Variants in TCF12 observed in about 807,000 individuals in gnomAD.
The protein encoded by TCF12 is transcription factor 12, also known as DNA-binding protein HTF4.
In TCF12, 45 loss-of-function variants were observed where a neutral mutation model predicts 86.0. The ratio of observed to expected loss-of-function variants is 0.52; its 90% CI spans 0.41 to 0.67. The LOEUF is 0.67. Among genes scored for constraint, TCF12 ranks in the 30% least tolerant of loss-of-function variants. The pLI is 0.00. For missense variants in TCF12, 881 were observed against 859.9 expected (o/e 1.02, Z -0.31); for synonymous variants, 330 against 299.6 (o/e 1.10, Z -1.05).
intron 3 of TCF12, among the ~76,000 whole-genome samples, chr15:56,945,863 A>G (rs1475419037): frequency 6.6e-6 from 1 of 152,210 alleles, no homozygotes; most frequent in Non-Finnish European, 1.5e-5. Context: ...TTGTTACCTC[A>G]AGAATGAGTT....
chr15:57,070,023 C>CT (rs2150993079), intron 4 of TCF12, among the ~76,000 whole-genome samples: 1 of 152,038 alleles, frequency 6.6e-6, no homozygotes, highest in South Asian at 2.1e-4. Context: ...ATCTTTTTTT[C>CT]TTTTTTCATT....
At chr15:57,044,006 AG>A (rs1458630399) in intron 3 of TCF12, among the ~76,000 whole-genome samples, 1 of 152,182 alleles carries the variant, frequency 6.6e-6, no homozygotes, top group Non-Finnish European at 1.5e-5. Flanking sequence ...AATTAAAAAA[AG>A]CTTAACAGAT....
At chr15:57,220,383 G>A (rs207475522) in intron 8 of TCF12, among the ~76,000 whole-genome samples, 24 of 152,254 alleles carry the variant, frequency 1.6e-4, no homozygotes, top group African/African-American at 4.6e-4. Context: ...AGTAAGGGCC[G>A]TATTTCCTGT....
At chr15:57,206,961 T>C (rs1019209256) in intron 8 of TCF12, among the ~76,000 whole-genome samples, 6 of 146,050 alleles carry the variant, frequency 4.1e-5, no homozygotes, top group African/African-American at 2.5e-5. Context: ...AAAAAAAAAA[T>C]TGGTCGTGGT....
chr15:57,206,268 C>A (rs1267701866), intron 8 of TCF12, among the ~76,000 whole-genome samples: 1 of 152,024 alleles, frequency 6.6e-6, no homozygotes, highest in South Asian at 2.1e-4. Context: ...TTTGGGAGGC[C>A]GAGGCAGGCA....
intron 3 of TCF12, among the ~76,000 whole-genome samples, chr15:56,976,204 T>C (rs938220223): frequency 6.7e-6 from 1 of 148,546 alleles, no homozygotes; most frequent in Non-Finnish European, 1.5e-5. Context: ...GACAACTAAA[T>C]AGTAGATAAA....
At chr15:56,921,187 T>C (rs2140170647) in intron 3 of TCF12, 89 bp downstream of exon 3, 3 of 915,092 alleles carry the variant, frequency 3.3e-6, no homozygotes, top group East Asian at 3.1e-5. Flanking sequence ...TTAAATATTA[T>C]TGAATATATG....
At chr15:57,101,261 A>T (rs1216518289) in intron 5 of TCF12, among the ~76,000 whole-genome samples, 1 of 152,064 alleles carries the variant, frequency 6.6e-6, no homozygotes, top group South Asian at 2.1e-4. Flanking sequence ...ACTGGAGTGC[A>T]GTAACACATC....
intron 13 of TCF12, among the ~76,000 whole-genome samples, chr15:57,250,352 G>C (rs866057019): frequency 6.6e-6 from 1 of 152,172 alleles, no homozygotes; most frequent in Non-Finnish European, 1.5e-5. Flanking sequence ...AAACTCAAGA[G>C]TAATGTTTAC....
At chr15:57,162,150 A>G (rs1282129278) in intron 5 of TCF12, among the ~76,000 whole-genome samples, 12 of 152,198 alleles carry the variant, frequency 7.9e-5, no homozygotes, top group African/African-American at 2.2e-4. Flanking sequence ...AATTAGATAT[A>G]TGTTACATTA....
upstream of TCF12, chr15:56,918,321 C>T: frequency 2.2e-6 from 1 of 452,484 alleles, no homozygotes; most frequent in Non-Finnish European, 4.4e-6. Flanking sequence ...CTTCGGGGGC[C>T]GAGAACCAGC....
intron 4 of TCF12, among the ~76,000 whole-genome samples, chr15:57,086,205 T>A (rs1184881494): frequency 1.7e-5 from 2 of 119,094 alleles, no homozygotes; most frequent in Non-Finnish European, 3.2e-5. Flanking sequence ...CTAACTTGGA[T>A]GATGATGATA....
At chr15:57,141,949 A>C (rs1200598775) in intron 5 of TCF12, among the ~76,000 whole-genome samples, 1 of 152,328 alleles carries the variant, frequency 6.6e-6, no homozygotes, top group East Asian at 1.9e-4. Flanking sequence ...AAAGGGAAGA[A>C]GCACAAACGG....
At chr15:57,015,125 C>CA (rs1374040321) in intron 3 of TCF12, among the ~76,000 whole-genome samples, 1 of 151,678 alleles carries the variant, frequency 6.6e-6, no homozygotes, top group Non-Finnish European at 1.5e-5. Flanking sequence ...CCTGTCTCTA[C>CA]AAAAAATAAA....
At chr15:57,071,425 G>C (rs1472803722) in intron 4 of TCF12, among the ~76,000 whole-genome samples, 2 of 151,880 alleles carry the variant, frequency 1.3e-5, no homozygotes, top group Non-Finnish European at 2.9e-5. Flanking sequence ...CAAGTGGATC[G>C]CTTGAGTCCA....
intron 3 of TCF12, among the ~76,000 whole-genome samples, chr15:57,011,833 A>G (rs1452871198): frequency 6.6e-6 from 1 of 152,120 alleles, no homozygotes; most frequent in Admixed American, 6.5e-5. Context: ...CTTTCCATCA[A>G]TTTTTAAAGT....
In TCF12 at chr15:57,178,555, A is replaced by G. The variant is rs1317242060; in HGVS notation, c.390+12089A>G. 5.9e-5 allele frequency among the ~76,000 whole-genome samples: 9 copies of G among 152,360 alleles called. No individual in the cohort carries two copies. In the East Asian group the frequency reaches 1.5e-3, roughly 26 times the overall value. On this transcript the variant is annotated intron_variant, in intron 6 of 20. Coordinates refer to ENST00000333725, the MANE Select transcript of TCF12 (RefSeq NM_207037.2). ...GTGCTACTTAACACCATTTCCACGA[A>G]TACCAAAGAGAAATAAGATTTCATC... is the stretch of plus-strand genomic sequence containing the variant.
intron 5 of TCF12, among the ~76,000 whole-genome samples, chr15:57,150,967 T>G (rs2053710020): frequency 6.9e-6 from 1 of 145,434 alleles, no homozygotes; most frequent in African/African-American, 2.5e-5. Context: ...TTCCTTTTCC[T>G]TTCCCCTTTC....
chr15:57,260,123 C>T (rs1394488485), intron 16 of TCF12, among the ~76,000 whole-genome samples: 4 of 151,998 alleles, frequency 2.6e-5, no homozygotes, highest in Admixed American at 6.6e-5. Context: ...TGTTTAAGTT[C>T]GTGTGAGAAA....
Sources: allele counts gnomAD v4.1 joint callset (sites outside exome capture counted in the v4.1 genomes callset), GRCh38; gene constraint gnomAD v4.1.1; transcripts MANE v1.5; gene names NCBI Gene and HGNC (gene_info 2026-07-23, HGNC 2026-07-21).